KIAA2012: variants seen among roughly 807,000 people sequenced by gnomAD.
KIAA2012 encodes the protein uncharacterized protein KIAA2012.
KIAA2012 carries 125 observed loss-of-function variants against 150.6 expected under a neutral mutation model. The ratio of observed to expected loss-of-function variants is 0.83; its 90% CI spans 0.72 to 0.96. The LOEUF (loss-of-function observed/expected upper bound fraction) is 0.96, where lower values mean the gene tolerates loss of function less well. KIAA2012 is among the 40% of genes least tolerant of loss of function. KIAA2012 has a pLI of 0.00. For missense variants in KIAA2012, 1,219 were observed against 1,354.9 expected (o/e 0.90, Z 1.57); for synonymous variants, 462 against 504.7 (o/e 0.92, Z 1.13).
intron 12 of KIAA2012, chr2:202,137,793 A>G (rs1289220613): frequency 2.6e-5 from 4 of 152,652 alleles, no homozygotes; most frequent in African/African-American, 9.7e-5. Flanking sequence ...CCTATAGAGA[A>G]CATTGACAAT....
chr2:202,156,535 A>G (rs758718271), intron 14 of KIAA2012, among the ~76,000 whole-genome samples: 1 of 152,188 alleles, frequency 6.6e-6, no homozygotes, highest in Non-Finnish European at 1.5e-5. Context: ...TAGTACAGGT[A>G]ACAGACAACA....
chr2:202,162,061 GAA>G (rs1212254484), intron 14 of KIAA2012, among the ~76,000 whole-genome samples: 1 of 137,610 alleles, frequency 7.3e-6, no homozygotes, highest in African/African-American at 2.5e-5. Flanking sequence ...AATATATTCA[GAA>G]GGTTTTTTTT....
chr2:202,119,003 A>G (rs1690593622), intron 11 of KIAA2012, among the ~76,000 whole-genome samples: 1 of 152,238 alleles, frequency 6.6e-6, no homozygotes, highest in Non-Finnish European at 1.5e-5. Context: ...CATGTCAAGA[A>G]TAATAGCTTG....
At chr2:202,162,727 C>G (rs1284551003) in intron 14 of KIAA2012, among the ~76,000 whole-genome samples, 1 of 151,422 alleles carries the variant, frequency 6.6e-6, no homozygotes, top group Non-Finnish European at 1.5e-5. Context: ...GTCAAGAGAT[C>G]GAGACAATCC....
intron 14 of KIAA2012, among the ~76,000 whole-genome samples, chr2:202,157,837 C>T (rs554924545): frequency 6.6e-6 from 1 of 152,268 alleles, no homozygotes; most frequent in Non-Finnish European, 1.5e-5. Flanking sequence ...GCTAAGCATC[C>T]AGCACTCCTT....
intron 15 of KIAA2012, 135 bp downstream of exon 15, chr2:202,165,491 G>A: frequency 1.3e-6 from 1 of 788,116 alleles, no homozygotes; most frequent in Non-Finnish European, 2.0e-6. Flanking sequence ...TGAGGCCAAG[G>A]CGGGTGGATC....
intron 16 of KIAA2012, among the ~76,000 whole-genome samples, 192 bp from the exon 17 acceptor site, chr2:202,186,741 C>T (rs957908651): frequency 5.3e-5 from 8 of 152,190 alleles, no homozygotes; most frequent in Non-Finnish European, 1.0e-4. Flanking sequence ...CTGAGGAAAT[C>T]CCTAAAGTGA....
At position 202,156,275 on chromosome 2, in the gene KIAA2012, A is replaced by T. The variant is rs759589235; in HGVS notation, c.2046+1465A>T. ...AAAAGAAAAGATATTTGTTACGAGT[A>T]TTCAAAAAATACTGCCATACTCCAT... On this transcript the variant is annotated intron_variant, in intron 14 of 23. Coordinates refer to ENST00000498697, the MANE Select transcript of KIAA2012 (RefSeq NM_001277372.4). 5.3e-5 allele frequency among the ~76,000 whole-genome samples: 8 copies of T among 152,274 alleles called. No individual in the cohort carries two copies. The East Asian group carries it at 1.5e-3, about 29-fold the overall frequency.
At chr2:202,145,642 G>C (rs1488283636) in intron 13 of KIAA2012, among the ~76,000 whole-genome samples, 1 of 147,482 alleles carries the variant, frequency 6.8e-6, no homozygotes, top group African/African-American at 2.5e-5. Flanking sequence ...CCTATCACAA[G>C]CTTTAACAAT....
intron 8 of KIAA2012, among the ~76,000 whole-genome samples, 187 bp downstream of exon 8, chr2:202,103,301 A>T (rs370462569): frequency 7.6e-4 from 116 of 152,388 alleles, no homozygotes; most frequent in African/African-American, 2.6e-3. Context: ...TTGGATTTTT[A>T]AAATATTTAT....
At chr2:202,177,396 T>C (rs1692014348) in intron 15 of KIAA2012, among the ~76,000 whole-genome samples, 1 of 152,170 alleles carries the variant, frequency 6.6e-6, no homozygotes, top group Admixed American at 6.5e-5. Context: ...TTTGTGATGC[T>C]ATAACAGAAT....
intron 14 of KIAA2012, among the ~76,000 whole-genome samples, chr2:202,162,325 A>G (rs1691672912): frequency 6.6e-6 from 1 of 151,990 alleles, no homozygotes; most frequent in South Asian, 2.1e-4. Context: ...TCCAGGCTGG[A>G]GTGCAGTGTT....
chr2:202,175,530 T>C (rs1246772813), intron 15 of KIAA2012, among the ~76,000 whole-genome samples: 3 of 152,200 alleles, frequency 2.0e-5, no homozygotes, highest in Non-Finnish European at 4.4e-5. Flanking sequence ...TAAATGAGAT[T>C]AGTGCCTTTA....
At chr2:202,179,181 C>T in intron 15 of KIAA2012, 1 of 564,092 alleles carries the variant, frequency 1.8e-6, no homozygotes, top group South Asian at 1.6e-5. Context: ...TCCCTTAGAC[C>T]AGCATCTGTG....
At chr2:202,194,503 GA>G in intron 21 of KIAA2012, 141 bp downstream of exon 21, 1 of 631,078 alleles carries the variant, frequency 1.6e-6, no homozygotes, top group Admixed American at 5.0e-5. Context: ...TTTTCAAAGT[GA>G]TTATGTATGA....
intron 21 of KIAA2012, among the ~76,000 whole-genome samples, chr2:202,196,378 G>A (rs1430029320): frequency 2.0e-5 from 3 of 151,230 alleles, no homozygotes; most frequent in Admixed American, 2.0e-4. Context: ...TGTGATTTTA[G>A]TAGAGACGGG....
chr2:202,141,812 C>T (rs979947075), intron 13 of KIAA2012, among the ~76,000 whole-genome samples: 2 of 152,124 alleles, frequency 1.3e-5, no homozygotes, highest in African/African-American at 4.8e-5. Context: ...TCCTCTCCCC[C>T]AAGGCCTCTC....
intron 12 of KIAA2012, among the ~76,000 whole-genome samples, chr2:202,130,318 C>T (rs929277095): frequency 6.6e-6 from 1 of 152,140 alleles, no homozygotes; most frequent in African/African-American, 2.4e-5. Context: ...TCTTAAAATT[C>T]TCAGGATGTG....
chr2:202,096,184 G>A (rs906826464), intron 4 of KIAA2012, among the ~76,000 whole-genome samples: 6 of 152,100 alleles, frequency 3.9e-5, no homozygotes, highest in Admixed American at 6.5e-5. Context: ...CAGAAAAGAT[G>A]GACCTAGTTT....
Sources: allele counts gnomAD v4.1 joint callset (sites outside exome capture counted in the v4.1 genomes callset), GRCh38; gene constraint gnomAD v4.1.1; transcripts MANE v1.5; gene names NCBI Gene and HGNC (gene_info 2026-07-23, HGNC 2026-07-21).